The following FAAH2 variants were observed in gnomAD, a reference collection of about 807,000 sequenced individuals.
FAAH2 encodes the protein fatty acid amide hydrolase 2, also known as fatty-acid amide hydrolase 2.
Under a neutral mutation model 36.9 loss-of-function variants are expected in FAAH2, and 60 were observed. That is an observed-to-expected ratio of 1.63 (90% CI 1.32 to 2.02). The LOEUF is 2.02. Among genes scored for constraint, FAAH2 ranks in the 30% most tolerant of loss-of-function variants. The probability of loss-of-function intolerance (pLI) is 0.00; values close to 1 mark genes in which losing one functional copy is unlikely to be tolerated. For missense variants in FAAH2, 689 were observed against 397.5 expected, an observed-to-expected ratio of 1.73 and a Z score of -6.23; for synonymous variants, 214 against 143.8, an observed-to-expected ratio of 1.49 and a Z score of -3.49.
chrX:57,413,741 G>T (rs1387650793), intron 7 of FAAH2, among the ~76,000 whole-genome samples: 1 of 111,778 alleles, frequency 8.9e-6, no homozygotes, highest in African/African-American at 3.3e-5. Context: ...TTCTAACTCT[G>T]TGAATAAAGT....
At chrX:57,461,425 C>T (rs1375892932) in intron 10 of FAAH2, among the ~76,000 whole-genome samples, 3 of 111,535 alleles carry the variant, frequency 2.7e-5, no homozygotes, top group African/African-American at 9.8e-5. Flanking sequence ...TCAGCAAATG[C>T]AAAAGATTGG....
the FAAH2 span, among the ~76,000 whole-genome samples, chrX:57,191,034 C>A: frequency 1.8e-5 from 2 of 111,314 alleles, no homozygotes; most frequent in East Asian, 5.7e-4. Context: ...TGTATGGTAA[C>A]CTATTTTTAG....
intron 7 of FAAH2, among the ~76,000 whole-genome samples, chrX:57,390,499 A>G (rs2055140297): frequency 9.0e-6 from 1 of 110,757 alleles, no homozygotes; most frequent in African/African-American, 3.3e-5. Context: ...ACCCTTCCAT[A>G]TTTTTGAGTT....
intron 7 of FAAH2, chrX:57,392,859 C>G: frequency 1.3e-6 from 1 of 741,556 alleles, no homozygotes; most frequent in South Asian, 2.1e-5. Context: ...TTTGGCCATG[C>G]AGATGGGGAG....
At chrX:57,272,599 A>G in the FAAH2 span, among the ~76,000 whole-genome samples, 1 of 112,014 alleles carries the variant, frequency 8.9e-6, no homozygotes, top group African/African-American at 3.2e-5. Flanking sequence ...GGGTGCCAAT[A>G]TTTGGTGTTC....
chrX:57,429,109 G>A (rs1483597194), intron 7 of FAAH2, among the ~76,000 whole-genome samples: 1 of 111,125 alleles, frequency 9.0e-6, no homozygotes, highest in Non-Finnish European at 1.9e-5. Flanking sequence ...GCCGAGGTGG[G>A]CGGATCACGA....
chrX:57,286,809 GC>G lies in FAAH2; in HGVS notation c.-16del, dbSNP rs756353463. 13 of 1,166,284 alleles carry G rather than the reference GC, an allele frequency of 1.1e-5. No homozygotes were observed. The East Asian group carries it at 2.1e-4, about 19-fold the overall frequency. ...CGTAACCCTCAAGCACTAGGACCGTGCGGAATCCAGGCTGCGATGGCACCTT... is the reference window on the plus strand; with the variant it reads ...CGTAACCCTCAAGCACTAGGACCGTGGGAATCCAGGCTGCGATGGCACCTT... On this transcript the variant is annotated 5_prime_UTR_variant, in exon 1 of 11. Coordinates refer to ENST00000374900, the MANE Select transcript of FAAH2 (RefSeq NM_174912.4).
intron 7 of FAAH2, among the ~76,000 whole-genome samples, chrX:57,397,593 G>A (rs921251344): frequency 7.2e-5 from 8 of 110,815 alleles, no homozygotes; most frequent in African/African-American, 2.3e-4. Flanking sequence ...CTAAAAACAG[G>A]CTCTCAATCT....
chrX:57,401,653 G>C (rs1236253315), intron 7 of FAAH2, among the ~76,000 whole-genome samples: 1 of 111,230 alleles, frequency 9.0e-6, no homozygotes, highest in Non-Finnish European at 1.9e-5. Flanking sequence ...AATCCTTGTT[G>C]GGCTTCGGGT....
At chrX:57,421,537 C>T (rs1359473716) in intron 7 of FAAH2, among the ~76,000 whole-genome samples, 1 of 111,634 alleles carries the variant, frequency 9.0e-6, no homozygotes, top group Admixed American at 9.5e-5. Context: ...TTACAGATGG[C>T]CACCTTCTCA....
chrX:57,382,122 A>G (rs1485434498), intron 7 of FAAH2, among the ~76,000 whole-genome samples: 2 of 111,750 alleles, frequency 1.8e-5, no homozygotes, highest in African/African-American at 6.5e-5. Context: ...GTTCTTTGAA[A>G]CCAACGAGAA....
At chrX:57,454,857 G>C (rs1441065671) in intron 10 of FAAH2, among the ~76,000 whole-genome samples, 3 of 111,743 alleles carry the variant, frequency 2.7e-5, no homozygotes, top group African/African-American at 9.7e-5. Flanking sequence ...AAAGGAGAGA[G>C]AGTAACTTGT....
chrX:57,165,245 G>A, the FAAH2 span, among the ~76,000 whole-genome samples: 1 of 112,050 alleles, frequency 8.9e-6, no homozygotes, highest in Admixed American at 9.5e-5. Context: ...GCACATGTAT[G>A]TTTACTGCGG....
At chrX:57,433,490 G>T (rs1255386115) in intron 8 of FAAH2, among the ~76,000 whole-genome samples, 4 of 111,626 alleles carry the variant, frequency 3.6e-5, no homozygotes, top group Admixed American at 9.5e-5. Flanking sequence ...TTTAAATTTT[G>T]TGACTACATA....
At chrX:57,292,452 T>C in intron 1 of FAAH2, 46 bp from the exon 2 acceptor site, 1 of 1,073,797 alleles carries the variant, frequency 9.3e-7, no homozygotes, top group African/African-American at 1.8e-5. Context: ...TTGAATGAAT[T>C]GTTTAGTGAA....
the FAAH2 span, among the ~76,000 whole-genome samples, chrX:57,268,301 A>T: frequency 3.6e-5 from 4 of 111,806 alleles, no homozygotes; most frequent in Admixed American, 9.5e-5. Flanking sequence ...AAGAATAGAT[A>T]AAAAAAGAAT....
At chrX:57,366,325 C>T (rs1248427194) in intron 5 of FAAH2, among the ~76,000 whole-genome samples, 1 of 112,106 alleles carries the variant, frequency 8.9e-6, no homozygotes, top group African/African-American at 3.2e-5. Context: ...CTCAGCTGAG[C>T]ACTCCTGGGC....
chrX:57,184,939 ATTATTT>A, the FAAH2 span, among the ~76,000 whole-genome samples: 1 of 111,394 alleles, frequency 9.0e-6, no homozygotes, highest in African/African-American at 3.3e-5. Context: ...TAGTTTTTTT[ATTATTT>A]TTATTTGTGT....
intron 8 of FAAH2, among the ~76,000 whole-genome samples, chrX:57,436,657 TAA>T (rs1363425569): frequency 9.0e-6 from 1 of 111,017 alleles, no homozygotes; most frequent in African/African-American, 3.3e-5. Context: ...CTAGAGGAAA[TAA>T]ATTAATTTCT....
Sources: allele counts gnomAD v4.1 joint callset (sites outside exome capture counted in the v4.1 genomes callset), GRCh38; gene constraint gnomAD v4.1.1; transcripts MANE v1.5; gene names NCBI Gene and HGNC (gene_info 2026-07-23, HGNC 2026-07-21).